The following TGFBR3 variants were observed in gnomAD, a reference collection of about 807,000 sequenced individuals.
TGFBR3 encodes the protein transforming growth factor beta receptor 3.
TGFBR3 carries 46 observed loss-of-function variants against 87.9 expected under a neutral mutation model. That is an observed-to-expected ratio of 0.52 (90% confidence interval 0.41 to 0.67). The LOEUF (loss-of-function observed/expected upper bound fraction) is 0.67. Among genes scored for constraint, TGFBR3 ranks in the 30% least tolerant of loss-of-function variants. The pLI is 0.00. For synonymous variants in TGFBR3, 381 were observed against 391.6 expected (o/e 0.97, Z 0.32); for missense variants, 866 against 1,041.9 (o/e 0.83, Z 2.32).
intron 2 of TGFBR3, among the ~76,000 whole-genome samples, chr1:91,828,412 T>C (rs569124166): frequency 2.0e-5 from 3 of 152,184 alleles, no homozygotes; most frequent in Non-Finnish European, 4.4e-5. Flanking sequence ...ATCAAATCCA[T>C]AGCCCAGTGT....
chr1:91,860,004 C>T (rs994974848), intron 2 of TGFBR3, among the ~76,000 whole-genome samples: 9 of 151,962 alleles, frequency 5.9e-5, no homozygotes, highest in African/African-American at 1.5e-4. Flanking sequence ...GCTTAGTCTA[C>T]GTCTGCACAC....
intron 2 of TGFBR3, among the ~76,000 whole-genome samples, chr1:91,829,609 A>T (rs890082995): frequency 6.6e-6 from 1 of 152,134 alleles, no homozygotes; most frequent in Non-Finnish European, 1.5e-5. Context: ...GTGCTCCAAG[A>T]TGATGTCCAT....
intron 14 of TGFBR3, among the ~76,000 whole-genome samples, chr1:91,699,167 G>T (rs1044360298): frequency 6.6e-6 from 1 of 152,074 alleles, no homozygotes; most frequent in African/African-American, 2.4e-5. Context: ...CACCCATGGT[G>T]GGCTCCCCAT....
chr1:91,868,214 G>A (rs1008856964), intron 1 of TGFBR3, among the ~76,000 whole-genome samples: 1 of 152,218 alleles, frequency 6.6e-6, no homozygotes, highest in Non-Finnish European at 1.5e-5. Context: ...CACTGTGCTC[G>A]GCCCCACACT....
At chr1:91,845,672 A>G (rs1399055889) in intron 2 of TGFBR3, among the ~76,000 whole-genome samples, 2 of 152,228 alleles carry the variant, frequency 1.3e-5, no homozygotes, top group African/African-American at 2.4e-5. Flanking sequence ...TCCTGCATGT[A>G]GTATACCCTG....
intron 14 of TGFBR3, among the ~76,000 whole-genome samples, chr1:91,700,906 C>T (rs1347781587): frequency 6.6e-6 from 1 of 152,116 alleles, no homozygotes; most frequent in Non-Finnish European, 1.5e-5. Flanking sequence ...TATTTGATTC[C>T]CTGAACTAAG....
upstream of TGFBR3, among the ~76,000 whole-genome samples, chr1:91,887,149 A>G (rs896080779): frequency 1.3e-5 from 2 of 151,400 alleles, no homozygotes; most frequent in Non-Finnish European, 2.9e-5. Context: ...ACAAATGGCT[A>G]ACGGCTAATA....
intron 4 of TGFBR3, among the ~76,000 whole-genome samples, chr1:91,748,009 G>C (rs1673406177): frequency 6.6e-6 from 1 of 152,210 alleles, no homozygotes; most frequent in Admixed American, 6.5e-5. Context: ...ATAGCTCCTG[G>C]GAATGGCTGG....
At chr1:91,866,065 C>G (rs760862047) in intron 1 of TGFBR3, among the ~76,000 whole-genome samples, 1 of 152,106 alleles carries the variant, frequency 6.6e-6, no homozygotes, top group East Asian at 1.9e-4. Flanking sequence ...CCCTCATGAC[C>G]CAACAGAGTG....
At position 91,876,302 on chromosome 1, in the gene TGFBR3, G is replaced by A. The variant is rs560672909; in HGVS notation, c.-114+9576C>T. ...TGAGAAACAGGAACTAAGACCTGCC[G>A]GGGCTGATCTTCTGGCAGTGGAAAG... On this transcript the variant is annotated intron_variant, in intron 1 of 16. Coordinates refer to ENST00000212355, the MANE Select transcript of TGFBR3 (RefSeq NM_003243.5). 2.6e-5 allele frequency among the ~76,000 whole-genome samples: 4 copies of A among 152,216 alleles called. No individual in the cohort carries two copies. The South Asian group carries it at 6.2e-4, about 24-fold the overall frequency.
chr1:91,712,690 G>T (rs1672023852), intron 12 of TGFBR3, 148 bp from the exon 13 acceptor site: 5 of 711,056 alleles, frequency 7.0e-6, no homozygotes, highest in Non-Finnish European at 1.2e-5. Context: ...AATTACAAAA[G>T]TAACACACAC....
In TGFBR3 at chr1:91,698,100, G is replaced by C. The variant is rs1386676799; in HGVS notation, c.2318C>G (p.Pro773Arg). Residue 773 changes from proline (P) to arginine (R), a missense_variant, in exon 15 of 17, where the codon CCA becomes CGA. By Grantham distance (103) the Pro-to-Arg change is moderately radical. Transcript: ENST00000212355. ...GCATAAAGACTTACGTGGAGAAATT[G>C]GATTTGGTTCCTTCATGCTTGGACC... is the stretch of plus-strand genomic sequence containing the variant. ...EKGPSMKEPN[P>R]ISPPIFHGLD... The C allele has an allele frequency of 6.2e-7, 1 of 1,613,846 alleles. No individual in the cohort carries two copies. Among genetic ancestry groups the C allele is most frequent in the African/African-American group, 1.3e-5 (1 of 74,902 alleles).
chr1:91,895,807 C>T (rs1679540693), intron 2 of TGFBR3, among the ~76,000 whole-genome samples: 1 of 152,186 alleles, frequency 6.6e-6, no homozygotes, highest in South Asian at 2.1e-4. Context: ...TTCTTGCACA[C>T]ACATTCTGTC....
chr1:91,859,995 C>G (rs890548218), intron 2 of TGFBR3, among the ~76,000 whole-genome samples: 5 of 151,944 alleles, frequency 3.3e-5, no homozygotes, highest in Non-Finnish European at 7.4e-5. Flanking sequence ...CTGACTCTCG[C>G]TTAGTCTACG....
At chr1:91,837,879 C>A (rs966005422) in intron 2 of TGFBR3, among the ~76,000 whole-genome samples, 3 of 152,184 alleles carry the variant, frequency 2.0e-5, no homozygotes, top group Non-Finnish European at 4.4e-5. Flanking sequence ...GGAGTCCCTG[C>A]TTCACAAATA....
At chr1:91,884,074 C>T (rs1033807315) in intron 1 of TGFBR3, among the ~76,000 whole-genome samples, 2 of 152,164 alleles carry the variant, frequency 1.3e-5, no homozygotes, top group Non-Finnish European at 2.9e-5. Flanking sequence ...GTAATCCCAG[C>T]ACTTTGGGAG....
At chr1:91,826,754 A>AAAG (rs1033585489) in intron 2 of TGFBR3, among the ~76,000 whole-genome samples, 8 of 150,552 alleles carry the variant, frequency 5.3e-5, no homozygotes, top group African/African-American at 1.7e-4. Context: ...TAAAAAAAAA[A>AAAG]AAAAGGCCTG....
chr1:91,776,215 G>C (rs542806907), intron 3 of TGFBR3, among the ~76,000 whole-genome samples: 22 of 152,218 alleles, frequency 1.4e-4, no homozygotes, highest in Non-Finnish European at 2.9e-4. Context: ...ATCTAAATGG[G>C]AGCGGGAGCA....
At chr1:91,822,751 C>A (rs778044398) in intron 2 of TGFBR3, among the ~76,000 whole-genome samples, 7 of 151,830 alleles carry the variant, frequency 4.6e-5, no homozygotes, top group African/African-American at 7.3e-5. Flanking sequence ...CATGGCAAAA[C>A]CCCATCTCTA....
Sources: allele counts gnomAD v4.1 joint callset (sites outside exome capture counted in the v4.1 genomes callset), GRCh38; gene constraint gnomAD v4.1.1; transcripts MANE v1.5; gene names NCBI Gene and HGNC (gene_info 2026-07-23, HGNC 2026-07-21).